The following LINGO2 variants were observed in gnomAD, a reference collection of about 807,000 sequenced individuals.
LINGO2 encodes leucine rich repeat and Ig domain containing 2.
LINGO2 carries 14 observed loss-of-function variants against 30.6 expected under a neutral mutation model. The ratio of observed to expected loss-of-function variants is 0.46; its 90% CI spans 0.30 to 0.72. The LOEUF is 0.72. Among genes scored for constraint, LINGO2 ranks in the 30% least tolerant of loss-of-function variants. The pLI is 0.07. For synonymous variants in LINGO2, 317 were observed against 288.5 expected, an observed-to-expected ratio of 1.10 and a Z score of -1.00; for missense variants, 729 against 751.7, an observed-to-expected ratio of 0.97 and a Z score of 0.35.
At chr9:28,017,852 C>G (rs1416874034) in intron 4 of LINGO2, among the ~76,000 whole-genome samples, 1 of 152,108 alleles carries the variant, frequency 6.6e-6, no homozygotes, top group Non-Finnish European at 1.5e-5. Context: ...TTGGAAAAAA[C>G]TATTTTAAAA....
chr9:29,188,824 C>CG, the LINGO2 span, among the ~76,000 whole-genome samples: 1 of 128,764 alleles, frequency 7.8e-6, no homozygotes, highest in African/African-American at 3.0e-5. Flanking sequence ...CTGGCCAGGC[C>CG]GGGGGCTGAC....
the LINGO2 span, among the ~76,000 whole-genome samples, chr9:28,854,042 G>C: frequency 6.6e-6 from 1 of 151,946 alleles, no homozygotes; most frequent in Non-Finnish European, 1.5e-5. Flanking sequence ...CATAGAAGTT[G>C]CATGTGGCAA....
chr9:28,155,045 G>T (rs1224957687), intron 4 of LINGO2, among the ~76,000 whole-genome samples: 1 of 152,070 alleles, frequency 6.6e-6, no homozygotes, highest in Non-Finnish European at 1.5e-5. Flanking sequence ...TTGATGTATT[G>T]GTAGTTTATT....
At chr9:28,976,019 C>T in the LINGO2 span, among the ~76,000 whole-genome samples, 1 of 152,088 alleles carries the variant, frequency 6.6e-6, no homozygotes, top group Non-Finnish European at 1.5e-5. Context: ...TGTCTTTCTT[C>T]CAGATTCTTC....
chr9:29,105,191 T>C, the LINGO2 span, among the ~76,000 whole-genome samples: 1 of 152,180 alleles, frequency 6.6e-6, no homozygotes, highest in African/African-American at 2.4e-5. Flanking sequence ...TAAGAGGAGA[T>C]GCTGTATTAC....
the LINGO2 span, among the ~76,000 whole-genome samples, chr9:28,753,745 C>G: frequency 6.6e-6 from 1 of 151,940 alleles, no homozygotes; most frequent in Non-Finnish European, 1.5e-5. Flanking sequence ...TAAGAGAGAG[C>G]TGTGTCACTG....
chr9:28,109,502 A>T (rs1035095151), intron 4 of LINGO2, among the ~76,000 whole-genome samples: 5 of 151,842 alleles, frequency 3.3e-5, no homozygotes, highest in African/African-American at 4.8e-5. Context: ...AACCTAATCC[A>T]CTCACCCCCA....
chr9:29,140,752 A>G, the LINGO2 span, among the ~76,000 whole-genome samples: 1 of 152,050 alleles, frequency 6.6e-6, no homozygotes, highest in East Asian at 1.9e-4. Context: ...AATAAAAGAT[A>G]AAGTGAGAAT....
chr9:28,477,954 T>C (rs531537374), intron 1 of LINGO2, among the ~76,000 whole-genome samples: 87 of 152,162 alleles, frequency 5.7e-4, no homozygotes, highest in Non-Finnish European at 9.3e-4. Flanking sequence ...TAATAAGCCA[T>C]GGTCTTCAGC....
intron 1 of LINGO2, among the ~76,000 whole-genome samples, chr9:28,594,285 T>C (rs1825067143): frequency 1.3e-5 from 2 of 152,112 alleles, no homozygotes; most frequent in Non-Finnish European, 2.9e-5. Context: ...AGCCAACTCA[T>C]ATTTAACGTA....
intron 4 of LINGO2, among the ~76,000 whole-genome samples, chr9:28,140,668 T>C (rs1267797162): frequency 6.6e-6 from 1 of 152,186 alleles, no homozygotes; most frequent in Non-Finnish European, 1.5e-5. Context: ...AACCCATAGA[T>C]GGAGTTATCA....
chr9:29,069,907 G>A, the LINGO2 span, among the ~76,000 whole-genome samples: 1 of 152,010 alleles, frequency 6.6e-6, no homozygotes, highest in Non-Finnish European at 1.5e-5. Flanking sequence ...AGGATATACA[G>A]CACAGGTGGC....
At chr9:29,114,391 T>C in the LINGO2 span, among the ~76,000 whole-genome samples, 1 of 86,010 alleles carries the variant, frequency 1.2e-5, no homozygotes, top group South Asian at 3.3e-4. Flanking sequence ...TTATTATTAT[T>C]ATTATTATTA....
At chr9:28,311,855 A>G (rs564077220) in intron 3 of LINGO2, among the ~76,000 whole-genome samples, 4 of 152,372 alleles carry the variant, frequency 2.6e-5, no homozygotes, top group Non-Finnish European at 5.9e-5. Context: ...GGCATAGGAA[A>G]TCACAAGGGT....
chr9:29,189,708 C>T, the LINGO2 span, among the ~76,000 whole-genome samples: 1 of 152,140 alleles, frequency 6.6e-6, no homozygotes, highest in African/African-American at 2.4e-5. Context: ...CCACTGCACT[C>T]CAGCCTGGGC....
the LINGO2 span, among the ~76,000 whole-genome samples, chr9:28,769,306 C>T: frequency 6.7e-6 from 1 of 150,314 alleles, no homozygotes; most frequent in Admixed American, 6.6e-5. Context: ...ATTTTAAAAA[C>T]ATATTTAATA....
chr9:28,938,853 C>T, the LINGO2 span, among the ~76,000 whole-genome samples: 173 of 152,076 alleles, frequency 1.1e-3, 1 homozygote, highest in Non-Finnish European at 1.4e-3. Context: ...TATACTATTT[C>T]TCATATCTAT....
chr9:28,336,742 C>G (rs1825602804), intron 3 of LINGO2, among the ~76,000 whole-genome samples: 1 of 151,972 alleles, frequency 6.6e-6, no homozygotes, highest in African/African-American at 2.4e-5. Context: ...GGTTTAGAAG[C>G]ATGGTTGTGA....
intron 2 of LINGO2, among the ~76,000 whole-genome samples, chr9:28,456,954 C>T (rs1564210700): frequency 6.6e-6 from 1 of 152,154 alleles, no homozygotes; most frequent in Non-Finnish European, 1.5e-5. Flanking sequence ...ACCCCTTTCA[C>T]ATTTGGAGAG....
Sources: allele counts gnomAD v4.1 joint callset (sites outside exome capture counted in the v4.1 genomes callset), GRCh38; gene constraint gnomAD v4.1.1; transcripts MANE v1.5; gene names NCBI Gene and HGNC (gene_info 2026-07-23, HGNC 2026-07-21).